Variants in NMNAT2 observed in about 807,000 individuals in gnomAD.
NMNAT2 encodes the protein nicotinamide/nicotinic acid mononucleotide adenylyltransferase 2.
Under a neutral mutation model 41.6 loss-of-function variants are expected in NMNAT2, and 11 were observed. The observed-to-expected ratio is 0.26, with a 90% CI of 0.17 to 0.44. The LOEUF (loss-of-function observed/expected upper bound fraction) is 0.44, where lower values mean the gene tolerates loss of function less well. NMNAT2 is among the 20% of genes least tolerant of loss of function. The pLI, the probability that NMNAT2 is intolerant of heterozygous loss-of-function variation, is 1.00. For synonymous variants in NMNAT2, 148 were observed against 151.2 expected (o/e 0.98, Z 0.16); for missense variants, 288 against 407.7 (o/e 0.71, Z 2.53).
intron 1 of NMNAT2, chr1:183,304,521 AG>A: frequency 1.5e-6 from 1 of 661,982 alleles, no homozygotes. Flanking sequence ...TATAGGGATC[AG>A]GCTGATGTCC....
intron 7 of NMNAT2, among the ~76,000 whole-genome samples, chr1:183,280,784 T>C (rs1394921019): frequency 1.5e-5 from 2 of 135,076 alleles, no homozygotes; most frequent in East Asian, 2.1e-4. Flanking sequence ...TATTTTTTTT[T>C]TTTTTTTTTT....
At chr1:183,279,026 C>G (rs528614706) in intron 7 of NMNAT2, among the ~76,000 whole-genome samples, 1 of 152,176 alleles carries the variant, frequency 6.6e-6, no homozygotes, top group Non-Finnish European at 1.5e-5. Flanking sequence ...CAAGCTCAAA[C>G]GCCAACAGAG....
At position 183,364,852 on chromosome 1, in the gene NMNAT2, C is replaced by A. The variant is rs144110596; in HGVS notation, c.85+53331G>T. ...GATTACAGGTGCCCACCACCACATC[C>A]GGCTAATTTTTTGTGTTTTTAGTAG... On this transcript the variant is annotated intron_variant, in intron 1 of 10. Transcript: ENST00000287713. 3.3e-5 allele frequency among the ~76,000 whole-genome samples: 5 copies of A among 152,088 alleles called. No homozygotes were observed. In the East Asian group the frequency reaches 5.8e-4, roughly 18 times the overall value.
intron 1 of NMNAT2, among the ~76,000 whole-genome samples, chr1:183,328,655 A>G (rs1662517498): frequency 6.6e-6 from 1 of 152,048 alleles, no homozygotes; most frequent in Non-Finnish European, 1.5e-5. Flanking sequence ...TGTCCTCCCA[A>G]CCTCAACACC....
At chr1:183,341,749 C>CAAAAAAAAAAAAA (rs1475480146) in intron 1 of NMNAT2, among the ~76,000 whole-genome samples, 1 of 31,690 alleles carries the variant, frequency 3.2e-5, no homozygotes, top group African/African-American at 1.2e-4. Context: ...AAAAAAAAAC[C>CAAAAAAAAAAAAA]TGTTTCCTTC....
At chr1:183,415,994 G>A (rs1178799474) in intron 1 of NMNAT2, among the ~76,000 whole-genome samples, 1 of 152,030 alleles carries the variant, frequency 6.6e-6, no homozygotes, top group Non-Finnish European at 1.5e-5. Context: ...ATTCTGCCCT[G>A]GTCCTCAGTT....
intron 1 of NMNAT2, among the ~76,000 whole-genome samples, chr1:183,327,220 T>G (rs1372821800): frequency 6.6e-6 from 1 of 152,054 alleles, no homozygotes; most frequent in African/African-American, 2.4e-5. Context: ...TTGGCTAATT[T>G]TTGTATTTTT....
intron 1 of NMNAT2, among the ~76,000 whole-genome samples, chr1:183,323,650 C>G (rs1662401158): frequency 6.6e-6 from 1 of 152,208 alleles, no homozygotes; most frequent in Non-Finnish European, 1.5e-5. Flanking sequence ...GATTCCAGCA[C>G]CAGCAAGAGA....
chr1:183,264,851 T>G (rs1660764660), intron 8 of NMNAT2, among the ~76,000 whole-genome samples: 1 of 152,086 alleles, frequency 6.6e-6, no homozygotes, highest in Admixed American at 6.6e-5. Context: ...CTCTCCTGGT[T>G]GCCCTACCTC....
intron 1 of NMNAT2, among the ~76,000 whole-genome samples, chr1:183,323,999 A>G (rs1451478985): frequency 6.6e-6 from 1 of 152,232 alleles, no homozygotes; most frequent in Non-Finnish European, 1.5e-5. Flanking sequence ...TGAGAGCTTC[A>G]GGGCCTGCTG....
At chr1:183,339,810 TGC>T (rs1662756174) in intron 1 of NMNAT2, among the ~76,000 whole-genome samples, 1 of 152,106 alleles carries the variant, frequency 6.6e-6, no homozygotes, top group African/African-American at 2.4e-5. Flanking sequence ...TTTTTATCTC[TGC>T]CTTCTGAGTG....
intron 3 of NMNAT2, among the ~76,000 whole-genome samples, chr1:183,291,970 C>A (rs1390250051): frequency 6.6e-6 from 1 of 152,096 alleles, no homozygotes; most frequent in Non-Finnish European, 1.5e-5. Flanking sequence ...TGCTCTCATT[C>A]CCGCCCACCC....
intron 1 of NMNAT2, among the ~76,000 whole-genome samples, chr1:183,396,574 A>T (rs572507393): frequency 6.6e-6 from 1 of 152,276 alleles, no homozygotes; most frequent in Non-Finnish European, 1.5e-5. Context: ...AGCACACTGC[A>T]CATGCTCCCC....
At chr1:183,280,841 A>G (rs1273161325) in intron 7 of NMNAT2, among the ~76,000 whole-genome samples, 1 of 119,624 alleles carries the variant, frequency 8.4e-6, no homozygotes, top group African/African-American at 3.3e-5. Context: ...CTGGAGTGCA[A>G]TGGCGTGATC....
At chr1:183,266,041 T>C (rs1173028174) in intron 8 of NMNAT2, among the ~76,000 whole-genome samples, 1 of 152,194 alleles carries the variant, frequency 6.6e-6, no homozygotes, top group South Asian at 2.1e-4. Context: ...CAAATGCAGC[T>C]CTAGAAGCTG....
At chr1:183,378,286 C>A (rs2101914403) in intron 1 of NMNAT2, among the ~76,000 whole-genome samples, 1 of 151,980 alleles carries the variant, frequency 6.6e-6, no homozygotes, top group Non-Finnish European at 1.5e-5. Context: ...CCCAGCTACT[C>A]AGGAGGCTGA....
intron 1 of NMNAT2, among the ~76,000 whole-genome samples, chr1:183,325,260 A>G (rs1166251493): frequency 1.3e-5 from 2 of 152,246 alleles, no homozygotes; most frequent in African/African-American, 2.4e-5. Context: ...CAGCTTCCCA[A>G]CTCCAACTCA....
chr1:183,401,536 A>G (rs1648808137), intron 1 of NMNAT2, among the ~76,000 whole-genome samples: 1 of 152,206 alleles, frequency 6.6e-6, no homozygotes, highest in South Asian at 2.1e-4. Flanking sequence ...AACTAGAAAT[A>G]CCATTTGACC....
chr1:183,343,692 A>G (rs75516617), intron 1 of NMNAT2, among the ~76,000 whole-genome samples: 1,712 of 152,256 alleles, frequency 0.011, 44 homozygotes, highest in African/African-American at 0.039. Context: ...AAGTCTCTTT[A>G]TTTGTCTACT....
Sources: gnomAD v4.1 joint callset for allele counts (sites outside exome capture counted in the v4.1 genomes callset) on GRCh38, gnomAD v4.1.1 for gene constraint, MANE v1.5 for transcripts, NCBI Gene and HGNC (gene_info 2026-07-23, HGNC 2026-07-21) for gene names.